The following NUDC variants were observed in gnomAD, a reference collection of about 807,000 sequenced individuals.
NUDC encodes nuclear distribution C, dynein complex regulator.
In NUDC, 14 loss-of-function variants were observed where a neutral mutation model predicts 45.0. The ratio of observed to expected loss-of-function variants is 0.31; its 90% CI spans 0.21 to 0.49. NUDC has a LOEUF of 0.49. Ranked by LOEUF, NUDC falls within the 20% of genes least tolerant of loss-of-function variation. The pLI is 0.99. For synonymous variants in NUDC, 153 were observed against 156.7 expected, an observed-to-expected ratio of 0.98 and a Z score of 0.17; for missense variants, 323 against 426.2, an observed-to-expected ratio of 0.76 and a Z score of 2.13.
chr1:26,923,500 A>G (rs553537183), intron 1 of NUDC, among the ~76,000 whole-genome samples: 58 of 152,052 alleles, frequency 3.8e-4, no homozygotes, highest in African/African-American at 1.2e-3. Context: ...TGTTTAGACA[A>G]GAGTCTCTCA....
chr1:26,924,182 C>T lies in NUDC; in HGVS notation c.159+16C>T. ...GGCAGAGAAGGTAAGTGTTGGAAACCACTGTCCTTTGGGCGGCTCTGTCTC... is the reference window on the plus strand; with the variant it reads ...GGCAGAGAAGGTAAGTGTTGGAAACTACTGTCCTTTGGGCGGCTCTGTCTC... On this transcript the variant is annotated intron_variant, in intron 2 of 8. Coordinates refer to ENST00000321265, the MANE Select transcript of NUDC (RefSeq NM_006600.4). 1 of 1,611,192 alleles carries T rather than the reference C, an allele frequency of 6.2e-7. No homozygotes were observed. Among genetic ancestry groups the T allele is most frequent in the Non-Finnish European group, 8.5e-7 (1 of 1,177,444 alleles).
intron 2 of NUDC, among the ~76,000 whole-genome samples, chr1:26,926,103 G>A (rs1034599832): frequency 2.6e-5 from 4 of 151,136 alleles, no homozygotes; most frequent in African/African-American, 9.7e-5. Flanking sequence ...TGCAATGTCT[G>A]CCTCTTGGGT....
chr1:26,936,457 C>T (rs1201014126), intron 2 of NUDC, among the ~76,000 whole-genome samples: 1 of 150,954 alleles, frequency 6.6e-6, no homozygotes, highest in African/African-American at 2.4e-5. Flanking sequence ...CCCAGAGTGC[C>T]TGGTTTACAG....
chr1:26,914,044 C>T lies in NUDC; in HGVS notation c.93+2809C>T, dbSNP rs1353950905. 3.2e-6 allele frequency: 3 copies of T among 944,766 alleles called. No homozygotes were observed. In the East Asian group the frequency reaches 8.8e-5, roughly 28 times the overall value. 58.5% of individuals were successfully genotyped at this position (944,766 alleles called of 1,614,324 possible). A position where few individuals can be genotyped will look rare whatever the true frequency, so the allele number is the denominator to read the frequency against. On this transcript the variant is annotated intron_variant, in intron 3 of 6. Coordinates refer to the NUDC transcript ENST00000435827. Reference sequence around the variant, plus strand: ...GGAACGGGGGGAATGGCCCAACAACCTTGACTCCAGAAGTCATGTTCATTG... The same window carrying T: ...GGAACGGGGGGAATGGCCCAACAACTTTGACTCCAGAAGTCATGTTCATTG...
At chr1:26,925,332 A>T (rs1396572530) in intron 2 of NUDC, among the ~76,000 whole-genome samples, 1 of 151,262 alleles carries the variant, frequency 6.6e-6, no homozygotes, top group Non-Finnish European at 1.5e-5. Context: ...CGAGGTCAGG[A>T]GATCGAGACC....
intron 2 of NUDC, among the ~76,000 whole-genome samples, chr1:26,928,998 G>T (rs1020120564): frequency 2.6e-5 from 4 of 152,146 alleles, no homozygotes; most frequent in Admixed American, 6.5e-5. Flanking sequence ...ACAGCCAAAA[G>T]GTGGAAGGAA....
upstream of NUDC, chr1:26,921,729 T>G: frequency 1.8e-6 from 2 of 1,126,404 alleles, no homozygotes; most frequent in South Asian, 2.7e-5. Flanking sequence ...CGCGTGCGTG[T>G]TTCCGGCTCC....
chr1:26,930,168 GTGTTT>G (rs529427049), intron 2 of NUDC, among the ~76,000 whole-genome samples: 36 of 152,138 alleles, frequency 2.4e-4, no homozygotes, highest in Non-Finnish European at 7.4e-5. Flanking sequence ...TCTTACTATT[GTGTTT>G]TGTTTTGTTT....
chr1:26,936,442 G>A (rs536360532), intron 2 of NUDC, among the ~76,000 whole-genome samples: 47 of 150,842 alleles, frequency 3.1e-4, no homozygotes, highest in African/African-American at 1.1e-3. Flanking sequence ...CGCCTGCCTC[G>A]GCCTCCCAGA....
intron 2 of NUDC, among the ~76,000 whole-genome samples, chr1:26,903,266 A>G (rs2081988143): frequency 1.3e-5 from 2 of 152,190 alleles, no homozygotes; most frequent in Non-Finnish European, 2.9e-5. Flanking sequence ...TCTTAGGGCT[A>G]CATAAATAAA....
chr1:26,939,087 G>A (rs1041999934), intron 2 of NUDC, among the ~76,000 whole-genome samples: 1 of 152,136 alleles, frequency 6.6e-6, no homozygotes, highest in African/African-American at 2.4e-5. Flanking sequence ...TCTGCCTCCC[G>A]GGTTCAAGTG....
At chr1:26,902,986 G>T (rs941151979) in intron 2 of NUDC, among the ~76,000 whole-genome samples, 2 of 151,748 alleles carry the variant, frequency 1.3e-5, no homozygotes, top group Non-Finnish European at 1.5e-5. Flanking sequence ...GGAGGCGGAG[G>T]TTGCAGTGAG....
At chr1:26,905,160 T>A (rs28608549) in intron 2 of NUDC, among the ~76,000 whole-genome samples, 12,240 of 116,798 alleles carry the variant, frequency 0.1, 854 homozygotes, top group African/African-American at 0.24. Context: ...TATTATTATT[T>A]TTTTTTTTTT....
intron 6 of NUDC, among the ~76,000 whole-genome samples, chr1:26,943,369 G>A (rs1312273878): frequency 2.6e-5 from 4 of 151,796 alleles, no homozygotes; most frequent in Non-Finnish European, 5.9e-5. Context: ...CACCACGCTC[G>A]GCTAATTTTT....
intron 6 of NUDC, chr1:26,945,186 T>G (rs920856219): frequency 2.4e-5 from 15 of 620,796 alleles, no homozygotes; most frequent in African/African-American, 1.5e-4. Flanking sequence ...CTTTCCCTTA[T>G]CACACTGATT....
chr1:26,911,655 TG>T, intron 3 of NUDC: 1 of 669,936 alleles, frequency 1.5e-6, no homozygotes, highest in Non-Finnish European at 2.6e-6. Flanking sequence ...CCCAGGCAGC[TG>T]GAACACTGTG....
chr1:26,939,205 G>T (rs1309286657), intron 2 of NUDC, among the ~76,000 whole-genome samples: 1 of 151,934 alleles, frequency 6.6e-6, no homozygotes, highest in East Asian at 1.9e-4. Context: ...TGTTGGCCAG[G>T]GTGGTCAAGA....
At chr1:26,926,847 C>T (rs2082136703) in intron 2 of NUDC, among the ~76,000 whole-genome samples, 1 of 152,106 alleles carries the variant, frequency 6.6e-6, no homozygotes, top group Non-Finnish European at 1.5e-5. Context: ...GATCCCCCAG[C>T]CTCAGCCTCC....
chr1:26,928,811 C>T (rs2082155012), intron 2 of NUDC, among the ~76,000 whole-genome samples: 1 of 152,222 alleles, frequency 6.6e-6, no homozygotes, highest in South Asian at 2.1e-4. Context: ...AACCCTTGTA[C>T]ACTGTGGTGG....
Sources: allele counts gnomAD v4.1 joint callset (sites outside exome capture counted in the v4.1 genomes callset), GRCh38; gene constraint gnomAD v4.1.1; transcripts MANE v1.5; gene names NCBI Gene and HGNC (gene_info 2026-07-23, HGNC 2026-07-21).